The following USP8 variants were observed in gnomAD, a reference collection of about 807,000 sequenced individuals.
The protein encoded by USP8 is ubiquitin specific peptidase 8, also known as ubiquitin carboxyl-terminal hydrolase 8.
A neutral mutation model predicts 130.0 loss-of-function variants in USP8; 27 were observed. That is an observed-to-expected ratio of 0.21 (90% confidence interval 0.15 to 0.29). The LOEUF (loss-of-function observed/expected upper bound fraction) is 0.29. Among genes scored for constraint, USP8 ranks in the 10% least tolerant of loss-of-function variants. The pLI, the probability that USP8 is intolerant of heterozygous loss-of-function variation, is 1.00. For missense variants in USP8, 1,029 were observed against 1,312.2 expected, an observed-to-expected ratio of 0.78 and a Z score of 3.33; for synonymous variants, 392 against 444.1, an observed-to-expected ratio of 0.88 and a Z score of 1.48.
Position 50,507,302 on chromosome 15 carries a change from C to G in USP8, c.*8214C>G, listed in dbSNP as rs963655366. 6.6e-6 allele frequency: 1 copy of G among 152,268 alleles called. No individual in the cohort carries two copies. The highest frequency in any genetic ancestry group is 1.5e-5 in the Non-Finnish European group (1 of 68,152). 9.4% of individuals were successfully genotyped at this position (152,268 alleles called of 1,614,324 possible). On this transcript the variant is annotated 3_prime_UTR_variant, in exon 20 of 20. Transcript: ENST00000307179. Reference sequence around the variant, plus strand: ...TGTCTCTAAAACAAAACAACAACAACAACAAATCCAGTTCTATGCACTATA... The same window carrying G: ...TGTCTCTAAAACAAAACAACAACAAGAACAAATCCAGTTCTATGCACTATA...
In USP8 at chr15:50,490,307, C is replaced by T; in HGVS notation, c.2016C>T (p.Pro672=). The T allele has an allele frequency of 2.5e-6, 4 of 1,613,760 alleles. No individual in the cohort carries two copies. Among genetic ancestry groups the T allele is most frequent in the Non-Finnish European group, 3.4e-6 (4 of 1,179,942 alleles). ...ITGTFRYYHS[P]TNTVHMYPPE... Reference sequence around the variant, plus strand: ...GAACCTTTCGTTATTATCATTCACCCACCAACACTGTTCATATGTACCCAC... The same window carrying T: ...GAACCTTTCGTTATTATCATTCACCTACCAACACTGTTCATATGTACCCAC... The change falls in exon 14 of 20, where the codon CCC becomes CCT. Residue 672 remains proline, a synonymous_variant. Transcript: ENST00000307179.
intron 1 of USP8, among the ~76,000 whole-genome samples, chr15:50,437,468 C>T (rs577715300): frequency 4.6e-5 from 7 of 152,088 alleles, no homozygotes; most frequent in South Asian, 2.1e-4. Context: ...TTCAACATTG[C>T]GGGGGATGGG....
In USP8 at chr15:50,476,893, G is replaced by A; in HGVS notation, c.894G>A (p.Glu298=). ...TVLRNEPLVL[E]GGYENWLLCY... is the part of the protein sequence containing the mutation. The stretch of plus-strand genomic sequence containing the variant: ...TGCGCAATGAGCCTTTGGTTTTAGA[G>A]GGAGGCTATGAAAACTGGCTCCTTT... The change falls in exon 9 of 20, where the codon GAG becomes GAA. Residue 298 remains glutamate (E), a synonymous_variant. Transcript: ENST00000307179. The A allele has an allele frequency of 6.2e-7, 1 of 1,603,492 alleles. No individual in the cohort carries two copies. The highest frequency in any genetic ancestry group is 1.1e-5 in the South Asian group (1 of 88,148).
chr15:50,495,787 C>A, intron 16 of USP8, 61 bp from the exon 17 acceptor site: 1 of 1,332,788 alleles, frequency 7.5e-7, no homozygotes, highest in Admixed American at 2.2e-5. Context: ...CACTTTTATT[C>A]TTTCAATTTA....
At position 50,477,377 on chromosome 15, in the gene USP8, A is replaced by C; in HGVS notation, c.1096A>C (p.Ser366Arg). Residue 366 changes from serine to arginine, a missense_variant, in exon 10 of 20, where the codon AGT becomes CGT. By Grantham distance (110) the Ser-to-Arg change is moderately radical. Coordinates refer to ENST00000307179, the MANE Select transcript of USP8 (RefSeq NM_005154.5). ...AGTAGATGAAAATATAGAATTGATAAGTGGTCAAAATGAGAGAATGGGACC... is the reference window on the plus strand; with the variant it reads ...AGTAGATGAAAATATAGAATTGATACGTGGTCAAAATGAGAGAATGGGACC... ...IEVDENIELI[S>R]GQNERMGPLN... 6.2e-7 allele frequency: 1 copy of C among 1,614,166 alleles called. No individual in the cohort carries two copies. Among genetic ancestry groups the C allele is most frequent in the East Asian group, 2.2e-5 (1 of 44,880 alleles).
rs764025329 is a variant in USP8 at position 50,507,562 on chromosome 15, T to C, written c.*8474T>C. The C allele has an allele frequency of 2.0e-5, 3 of 152,106 alleles. No homozygotes were observed. The highest frequency in any genetic ancestry group is 2.9e-5 in the Non-Finnish European group (2 of 68,028). 9.4% of individuals were successfully genotyped at this position (152,106 alleles called of 1,614,324 possible). A position where few individuals can be genotyped will look rare whatever the true frequency, so the allele number is the denominator to read the frequency against. ...AAAAAGGTTTAAATCACCCAAATTGTATAATTTGAAACTGCTACCTACCTA... is the reference window on the plus strand; with the variant it reads ...AAAAAGGTTTAAATCACCCAAATTGCATAATTTGAAACTGCTACCTACCTA... On this transcript the variant is annotated 3_prime_UTR_variant, in exon 20 of 20. Coordinates refer to ENST00000307179, the MANE Select transcript of USP8 (RefSeq NM_005154.5).
At position 50,510,940 on chromosome 15, in the gene USP8, C is replaced by G. The variant is rs2052729703; in HGVS notation, c.*11852C>G. ...TACAGGCGCCCGCCACCATGCCCGG[C>G]TAATTTTTTTTGTATTTTTAGTAGA... is the stretch of plus-strand genomic sequence containing the variant. On this transcript the variant is annotated 3_prime_UTR_variant, in exon 20 of 20. Coordinates refer to ENST00000307179, the MANE Select transcript of USP8 (RefSeq NM_005154.5). The G allele has an allele frequency of 6.6e-6, 1 of 152,148 alleles. No homozygotes were observed. The allele number at this position is 152,148 out of a possible 1,614,324, so 9.4% of individuals were successfully genotyped here.
At chr15:50,436,429 A>C (rs901512009) in intron 1 of USP8, among the ~76,000 whole-genome samples, 1 of 152,064 alleles carries the variant, frequency 6.6e-6, no homozygotes, top group Non-Finnish European at 1.5e-5. Context: ...CTATAGTTTG[A>C]TATCATACTA....
At chr15:50,445,197 G>A (rs947808332) in intron 3 of USP8, among the ~76,000 whole-genome samples, 2 of 152,148 alleles carry the variant, frequency 1.3e-5, no homozygotes, top group East Asian at 3.9e-4. Context: ...CTGAATGTAT[G>A]TCATTGAACT....
chr15:50,434,434 C>T (rs1256020795), intron 1 of USP8, among the ~76,000 whole-genome samples: 1 of 151,810 alleles, frequency 6.6e-6, no homozygotes, highest in Non-Finnish European at 1.5e-5. Context: ...ATTTTCAACA[C>T]TTTTGGATTT....
chr15:50,445,544 T>TAAAA (rs1567606995), intron 3 of USP8, among the ~76,000 whole-genome samples: 1 of 906 alleles, frequency 1.1e-3, no homozygotes. Flanking sequence ...AGAGTCTGTC[T>TAAAA]CAAAAAAAAA....
At chr15:50,428,792 A>G (rs1194175778) in intron 1 of USP8, among the ~76,000 whole-genome samples, 1 of 152,056 alleles carries the variant, frequency 6.6e-6, no homozygotes, top group Non-Finnish European at 1.5e-5. Flanking sequence ...TTTTTTTCTT[A>G]TTAGGTTGAG....
At chr15:50,425,473 T>A (rs937873067) in intron 1 of USP8, among the ~76,000 whole-genome samples, 2 of 152,262 alleles carry the variant, frequency 1.3e-5, no homozygotes, top group Non-Finnish European at 2.9e-5. Flanking sequence ...CGTTGGTGAA[T>A]GTCATTCATG....
Position 50,465,058 on chromosome 15 carries a change from G to T in USP8, c.553G>T (p.Ala185Ser). 6.2e-7 allele frequency: 1 copy of T among 1,613,802 alleles called. No homozygotes were observed. Among genetic ancestry groups the T allele is most frequent in the East Asian group, 2.2e-5 (1 of 44,848 alleles). Residue 185 changes from alanine to serine, a missense_variant, in exon 7 of 20, where the codon GCA becomes TCA. Transcript: ENST00000307179. Reference protein sequence around the residue: ...CETKEKGAITAKELYTMMTDK... With the variant: ...CETKEKGAITSKELYTMMTDK... ...CTCTCAATTCCAAGGAGCAATCACA[G>T]CAAAGGAACTATACACAATGATGAC...
Position 50,462,327 on chromosome 15 carries a change from G to GA in USP8, c.541+5_541+6insA. 6.2e-7 allele frequency: 1 copy of GA among 1,600,680 alleles called. No homozygotes were observed. Among genetic ancestry groups the GA allele is most frequent in the East Asian group, 2.3e-5 (1 of 44,406 alleles). ...AATGTGAGACCAAAGAGAAAGGTAA[G>GA]TGTGTACAGAAGGAGGAAGTTGTTT... On this transcript the variant is annotated splice_donor_region_variant and intron_variant, in intron 6 of 19. Coordinates refer to ENST00000307179, the MANE Select transcript of USP8 (RefSeq NM_005154.5).
intron 11 of USP8, among the ~76,000 whole-genome samples, 154 bp downstream of exon 11, chr15:50,482,219 TCTC>T (rs2051800920): frequency 6.6e-6 from 1 of 152,256 alleles, no homozygotes; most frequent in Non-Finnish European, 1.5e-5. Context: ...GCTCATCTAT[TCTC>T]CTTTGAGGCC....
chr15:50,435,604 A>T (rs1210289865), intron 1 of USP8, among the ~76,000 whole-genome samples: 1 of 152,224 alleles, frequency 6.6e-6, no homozygotes, highest in Non-Finnish European at 1.5e-5. Flanking sequence ...CTTCTGCAGA[A>T]ACGTGTGTGA....
intron 12 of USP8, among the ~76,000 whole-genome samples, chr15:50,487,940 G>A (rs2052022061): frequency 6.6e-6 from 1 of 152,216 alleles, no homozygotes; most frequent in African/African-American, 2.4e-5. Flanking sequence ...AGCTACTTGT[G>A]AGAGTGAGGC....
chr15:50,493,036 G>A, intron 15 of USP8, 123 bp downstream of exon 15: 1 of 1,036,362 alleles, frequency 9.6e-7, no homozygotes, highest in Non-Finnish European at 1.5e-6. Context: ...AATTTGTAAA[G>A]AACAAAAATT....
Sources: allele counts gnomAD v4.1 joint callset (sites outside exome capture counted in the v4.1 genomes callset), GRCh38; gene constraint gnomAD v4.1.1; transcripts MANE v1.5; gene names NCBI Gene and HGNC (gene_info 2026-07-23, HGNC 2026-07-21).